BRAF: variants seen among roughly 807,000 people sequenced by gnomAD.
The protein encoded by BRAF is B-Raf proto-oncogene, serine/threonine kinase, also known as serine/threonine-protein kinase B-raf.
Under a neutral mutation model 104.6 loss-of-function variants are expected in BRAF, and 16 were observed. The observed-to-expected ratio is 0.15, with a 90% CI of 0.10 to 0.23. BRAF has a LOEUF of 0.23. Ranked by LOEUF, BRAF falls within the 10% of genes least tolerant of loss-of-function variation. BRAF has a pLI of 1.00. For synonymous variants in BRAF, 310 were observed against 341.6 expected (o/e 0.91, Z 1.02); for missense variants, 541 against 937.3 (o/e 0.58, Z 5.52).
intron 1 of BRAF, among the ~76,000 whole-genome samples, chr7:140,884,472 TGTG>T (rs1429182859): frequency 7.0e-6 from 1 of 143,414 alleles, no homozygotes; most frequent in African/African-American, 2.7e-5. Flanking sequence ...TGTGTGTGTG[TGTG>T]TATAAAAATA....
At chr7:140,910,236 C>T (rs1416673721) in intron 1 of BRAF, among the ~76,000 whole-genome samples, 2 of 152,176 alleles carry the variant, frequency 1.3e-5, no homozygotes, top group Non-Finnish European at 1.5e-5. Flanking sequence ...TTAACCAAAA[C>T]TAACATATGT....
At chr7:140,885,204 T>C (rs1015553767) in intron 1 of BRAF, among the ~76,000 whole-genome samples, 1 of 152,118 alleles carries the variant, frequency 6.6e-6, no homozygotes, top group Non-Finnish European at 1.5e-5. Context: ...GGTTTCATCA[T>C]GTTGGCCAGG....
Position 140,720,991 on chromosome 7 carries a change from A to G in BRAF, c.*5503T>C. On this transcript the variant is annotated 3_prime_UTR_variant, in exon 20 of 20. Transcript: ENST00000644969. ...GAACTCGGCTGGCCGGGAGAAGCAG[A>G]TGGTTTGTACAAACATTTTTTGATA... 9.4e-7 allele frequency: 1 copy of G among 1,064,380 alleles called. No homozygotes were observed. The highest frequency in any genetic ancestry group is 1.1e-6 in the Non-Finnish European group (1 of 878,786). The allele number at this position is 1,064,380 out of a possible 1,614,324, so 65.9% of individuals were successfully genotyped here. A position where few individuals can be genotyped will look rare whatever the true frequency, so the allele number is the denominator to read the frequency against.
chr7:140,818,711 A>G (rs1375155050), intron 3 of BRAF, among the ~76,000 whole-genome samples: 1 of 152,210 alleles, frequency 6.6e-6, no homozygotes, highest in East Asian at 1.9e-4. Flanking sequence ...GAAATACCTA[A>G]AACAGGCAAT....
intron 17 of BRAF, among the ~76,000 whole-genome samples, chr7:140,744,595 C>G (rs952878634): frequency 1.3e-5 from 2 of 152,080 alleles, no homozygotes; most frequent in Admixed American, 6.5e-5. Flanking sequence ...AAACTCCTGC[C>G]TTTGTCATCT....
chr7:140,715,694 T>C (rs1187304020), downstream of BRAF, among the ~76,000 whole-genome samples: 1 of 152,210 alleles, frequency 6.6e-6, no homozygotes, highest in East Asian at 1.9e-4. Flanking sequence ...CTCCACCCGC[T>C]GTATAGCATA....
At chr7:140,764,876 A>C (rs569769056) in intron 14 of BRAF, among the ~76,000 whole-genome samples, 36 of 152,342 alleles carry the variant, frequency 2.4e-4, no homozygotes, top group African/African-American at 8.7e-4. Flanking sequence ...ATATTGCCCA[A>C]GGTAATTTAC....
At chr7:140,832,037 T>A (rs1460980588) in intron 3 of BRAF, among the ~76,000 whole-genome samples, 3 of 152,242 alleles carry the variant, frequency 2.0e-5, no homozygotes, top group African/African-American at 4.8e-5. Context: ...ACCATTCATA[T>A]ATTTTCCATC....
chr7:140,777,832 G>A (rs1586125482), intron 13 of BRAF, among the ~76,000 whole-genome samples, 159 bp downstream of exon 12: 2 of 152,294 alleles, frequency 1.3e-5, no homozygotes, highest in East Asian at 1.9e-4. Context: ...CTACTTAAAA[G>A]AATGTGGTTA....
intron 8 of BRAF, among the ~76,000 whole-genome samples, chr7:140,793,691 A>G (rs1296763630): frequency 6.6e-6 from 1 of 152,110 alleles, no homozygotes; most frequent in Non-Finnish European, 1.5e-5. Flanking sequence ...AGTGGTGCAA[A>G]CATAGCTCAC....
At chr7:140,771,419 C>T (rs993130664) in intron 14 of BRAF, among the ~76,000 whole-genome samples, 1 of 152,172 alleles carries the variant, frequency 6.6e-6, no homozygotes, top group Non-Finnish European at 1.5e-5. Context: ...GTCTTGAACT[C>T]CTTGGCTCGG....
At chr7:140,745,886 T>C (rs1354753150) in intron 17 of BRAF, among the ~76,000 whole-genome samples, 3 of 152,214 alleles carry the variant, frequency 2.0e-5, no homozygotes, top group Non-Finnish European at 2.9e-5. Flanking sequence ...GCAACCACGC[T>C]GTGAGAAAGA....
In BRAF at chr7:140,763,589, T is replaced by C. The variant is rs113891401; in HGVS notation, c.1815-9356A>G. Among the ~76,000 whole-genome samples, 1,170 of 152,036 alleles carry C rather than the reference T, an allele frequency of 7.7e-3. 18 individuals are homozygous for C. Among genetic ancestry groups the C allele is most frequent in the African/African-American group, 0.027 (1,106 of 41,460 alleles). On this transcript the variant is annotated intron_variant, in intron 14 of 19. Coordinates refer to ENST00000644969, the MANE Select transcript of BRAF (RefSeq NM_001374258.1). Reference sequence around the variant, plus strand: ...AGAAAAGAGAGAAGAATCAAATAGATGCAATAAAAAAATGATAAAGGGGAT... The same window carrying C: ...AGAAAAGAGAGAAGAATCAAATAGACGCAATAAAAAAATGATAAAGGGGAT...
chr7:140,858,834 T>C (rs932543793), intron 1 of BRAF, among the ~76,000 whole-genome samples: 3 of 151,820 alleles, frequency 2.0e-5, no homozygotes, highest in Non-Finnish European at 4.4e-5. Context: ...TATATAAATA[T>C]ATATTTATAT....
intron 3 of BRAF, among the ~76,000 whole-genome samples, chr7:140,825,215 G>A (rs990244100): frequency 2.0e-5 from 3 of 152,094 alleles, no homozygotes; most frequent in Non-Finnish European, 4.4e-5. Context: ...TGATCCACCT[G>A]CCTCAGCCTC....
At chr7:140,811,954 C>T (rs1277070145) in intron 3 of BRAF, among the ~76,000 whole-genome samples, 1 of 152,148 alleles carries the variant, frequency 6.6e-6, no homozygotes, top group Non-Finnish European at 1.5e-5. Context: ...TTTCCCTGTG[C>T]CATTCGTCTT....
At chr7:140,906,853 T>C (rs147868594) in intron 1 of BRAF, among the ~76,000 whole-genome samples, 8 of 152,352 alleles carry the variant, frequency 5.3e-5, no homozygotes, top group African/African-American at 1.9e-4. Context: ...CTTTTCTCCT[T>C]GTATCTGGGT....
intron 1 of BRAF, among the ~76,000 whole-genome samples, chr7:140,865,372 G>A (rs577790124): frequency 5.9e-5 from 9 of 152,226 alleles, no homozygotes; most frequent in South Asian, 2.1e-4. Context: ...GAGCCACTGC[G>A]CCCAGCCAGC....
intron 1 of BRAF, among the ~76,000 whole-genome samples, chr7:140,919,074 G>A (rs893614551): frequency 1.3e-5 from 2 of 151,430 alleles, no homozygotes; most frequent in African/African-American, 4.9e-5. Context: ...GTGAACCCGG[G>A]AGGCAGAGCT....
Sources: allele counts gnomAD v4.1 joint callset (sites outside exome capture counted in the v4.1 genomes callset), GRCh38; gene constraint gnomAD v4.1.1; transcripts MANE v1.5; gene names NCBI Gene and HGNC (gene_info 2026-07-23, HGNC 2026-07-21).